Variants in CYB5R4 observed in about 807,000 individuals in gnomAD.
CYB5R4 encodes the protein cytochrome b5 reductase 4, also known as N-terminal cytochrome b5 and cytochrome b5 oxidoreductase domain-containing protein.
A neutral mutation model predicts 70.2 loss-of-function variants in CYB5R4; 55 were observed. That is an observed-to-expected ratio of 0.78 (90% CI 0.63 to 0.98). The LOEUF is 0.98. CYB5R4 is among the 50% of genes least tolerant of loss of function. CYB5R4 has a pLI of 0.00. For synonymous variants in CYB5R4, 197 were observed against 199.5 expected (o/e 0.99, Z 0.11); for missense variants, 562 against 612.6 (o/e 0.92, Z 0.87).
intron 4 of CYB5R4, among the ~76,000 whole-genome samples, chr6:83,911,874 T>C (rs1396937061): frequency 1.3e-5 from 2 of 151,530 alleles, no homozygotes; most frequent in African/African-American, 4.9e-5. Context: ...CGAAACCCTG[T>C]CTCTACAAAA....
chr6:83,911,845 A>G, intron 4 of CYB5R4, among the ~76,000 whole-genome samples: 1 of 151,998 alleles, frequency 6.6e-6, no homozygotes, highest in East Asian at 1.9e-4. Flanking sequence ...GGAGTTCAAG[A>G]CCAGCCTGGG....
intron 2 of CYB5R4, among the ~76,000 whole-genome samples, chr6:83,888,611 A>G (rs935317316): frequency 7.9e-5 from 12 of 152,226 alleles, no homozygotes; most frequent in Admixed American, 4.6e-4. Flanking sequence ...CTGACTGACA[A>G]TTCCTGTCTC....
At position 83,926,937 on chromosome 6, in the gene CYB5R4, T is replaced by C. The variant is rs61763840; in HGVS notation, c.814+2345T>C. On this transcript the variant is annotated intron_variant, in intron 10 of 15. Coordinates refer to ENST00000369681, the MANE Select transcript of CYB5R4 (RefSeq NM_016230.4). Reference sequence around the variant, plus strand: ...TGGGCCTTAAAGGAATTTTGTATTATAAGCATGTTGGTTCTTGGCTTTCTA... The same window carrying C: ...TGGGCCTTAAAGGAATTTTGTATTACAAGCATGTTGGTTCTTGGCTTTCTA... Among the ~76,000 whole-genome samples the C allele has an allele frequency of 3.8e-3, 581 of 152,330 alleles. 5 individuals carry two copies. The highest frequency in any genetic ancestry group is 0.013 in the African/African-American group (554 of 41,572).
At chr6:83,903,298 C>G (rs2099463287) in intron 3 of CYB5R4, among the ~76,000 whole-genome samples, 1 of 151,974 alleles carries the variant, frequency 6.6e-6, no homozygotes, top group Admixed American at 6.6e-5. Flanking sequence ...GTTTTTCATT[C>G]TGTTGATGTG....
At chr6:83,956,246 T>TG (rs1296749956) in intron 15 of CYB5R4, among the ~76,000 whole-genome samples, 2 of 152,126 alleles carry the variant, frequency 1.3e-5, no homozygotes, top group Non-Finnish European at 2.9e-5. Context: ...CCTGAGAACA[T>TG]GTGCCCAAGG....
chr6:83,887,261 A>G (rs11965203), intron 2 of CYB5R4, among the ~76,000 whole-genome samples: 4,269 of 152,252 alleles, frequency 0.028, 198 homozygotes, highest in African/African-American at 0.097. Context: ...TATTATAGAG[A>G]TAAAGCCTGT....
intron 10 of CYB5R4, among the ~76,000 whole-genome samples, chr6:83,932,241 T>G (rs1469761680): frequency 6.6e-6 from 1 of 152,194 alleles, no homozygotes; most frequent in Non-Finnish European, 1.5e-5. Context: ...ATAGTCAGGC[T>G]TCTATGGGTA....
intron 3 of CYB5R4, among the ~76,000 whole-genome samples, chr6:83,907,856 A>G (rs1302969417): frequency 2.0e-5 from 3 of 151,986 alleles, no homozygotes; most frequent in African/African-American, 7.3e-5. Flanking sequence ...TATCTACCAC[A>G]TTTTCTTTAT....
chr6:83,922,230 G>A (rs1285394805), intron 8 of CYB5R4, among the ~76,000 whole-genome samples: 12 of 152,140 alleles, frequency 7.9e-5, no homozygotes, highest in Admixed American at 7.9e-4. Context: ...TTAGTTAAAA[G>A]GGAGAAAAAT....
At chr6:83,924,688 G>A in intron 10 of CYB5R4, 96 bp downstream of exon 10, 3 of 1,309,896 alleles carry the variant, frequency 2.3e-6, no homozygotes, top group Non-Finnish European at 3.2e-6. Context: ...TTTGAAATGA[G>A]CTGAAGGGTC....
rs2099474119 is a variant in CYB5R4, at chr6:83,966,604, TTGCCTGAACCCGGGAGGCGGAG to T, written c.*6727_*6748del. The stretch of plus-strand genomic sequence containing the variant: ...TACTTGGGAGGCTGAGGCAGGATAA[TTGCCTGAACCCGGGAGGCGGAG>T]GTTGCGGTGAGCCGAGATTGCACCT... On this transcript the variant is annotated 3_prime_UTR_variant, in exon 16 of 16. Transcript: ENST00000369681. 1 of 152,168 alleles carries T rather than the reference TTGCCTGAACCCGGGAGGCGGAG, an allele frequency of 6.6e-6. No individual in the cohort carries two copies. The highest frequency in any genetic ancestry group is 1.5e-5 in the Non-Finnish European group (1 of 68,048). 9.4% of individuals were successfully genotyped at this position (152,168 alleles called of 1,614,324 possible).
chr6:83,950,449 A>G (rs2099471346), intron 14 of CYB5R4, among the ~76,000 whole-genome samples: 1 of 152,166 alleles, frequency 6.6e-6, no homozygotes, highest in Non-Finnish European at 1.5e-5. Flanking sequence ...TTCAGTACAC[A>G]TTGGCCCACC....
intron 2 of CYB5R4, among the ~76,000 whole-genome samples, chr6:83,866,116 G>A (rs888055050): frequency 6.6e-6 from 1 of 152,200 alleles, no homozygotes; most frequent in Non-Finnish European, 1.5e-5. Context: ...GCTGGCCCAG[G>A]CTGCAGGCAT....
intron 3 of CYB5R4, among the ~76,000 whole-genome samples, chr6:83,902,274 G>A (rs1458546388): frequency 6.6e-6 from 1 of 152,060 alleles, no homozygotes; most frequent in African/African-American, 2.4e-5. Context: ...TATTGAAGAA[G>A]GTGTCCTTTC....
intron 2 of CYB5R4, among the ~76,000 whole-genome samples, chr6:83,879,553 G>A (rs2099459127): frequency 6.6e-6 from 1 of 152,070 alleles, no homozygotes; most frequent in Admixed American, 6.6e-5. Context: ...TGTGGTATGG[G>A]TGAAATTTTC....
rs75881562 is a variant in CYB5R4, at chr6:83,945,777, G to A, written c.1346+5176G>A. ...CCCACAGAAATACAGACTACCATCA[G>A]ATAATACTATAAACAACTCCACACA... is the stretch of plus-strand genomic sequence containing the variant. On this transcript the variant is annotated intron_variant, in intron 14 of 15. Coordinates refer to ENST00000369681, the MANE Select transcript of CYB5R4 (RefSeq NM_016230.4). 2.2e-3 allele frequency among the ~76,000 whole-genome samples: 331 copies of A among 152,220 alleles called. 11 individuals carry two copies. The East Asian group carries it at 0.043, about 20-fold the overall frequency.
chr6:83,881,821 C>T (rs2099459485), intron 2 of CYB5R4, among the ~76,000 whole-genome samples: 1 of 152,198 alleles, frequency 6.6e-6, no homozygotes, highest in African/African-American at 2.4e-5. Context: ...GTCCTAAGTT[C>T]TCTGTTGTCC....
rs539657011 is a variant in CYB5R4 at position 83,940,782 on chromosome 6, C to G, written c.1346+181C>G. On this transcript the variant is annotated intron_variant, in intron 14 of 15. Coordinates refer to ENST00000369681, the MANE Select transcript of CYB5R4 (RefSeq NM_016230.4). ...TCCCCTTCCCTCAAAGAAACACTGT[C>G]TGGCAAGATCTAGGCAACCTTATAT... 8.5e-5 allele frequency among the ~76,000 whole-genome samples: 13 copies of G among 152,240 alleles called. No individual in the cohort carries two copies. The South Asian group carries it at 2.1e-3, about 24-fold the overall frequency.
chr6:83,910,011 G>GGCACATA, intron 4 of CYB5R4: 1 of 1,608,216 alleles, frequency 6.2e-7, no homozygotes, highest in Non-Finnish European at 8.5e-7. Context: ...TGGTATTAGT[G>GGCACATA]GCACATACAT....
Sources: allele counts gnomAD v4.1 joint callset (sites outside exome capture counted in the v4.1 genomes callset), GRCh38; gene constraint gnomAD v4.1.1; transcripts MANE v1.5; gene names NCBI Gene and HGNC (gene_info 2026-07-23, HGNC 2026-07-21).